EDEM1: variants seen among roughly 807,000 people sequenced by gnomAD.
EDEM1 encodes the protein ER degradation-enhancing alpha-mannosidase-like protein 1.
A neutral mutation model predicts 74.4 loss-of-function variants in EDEM1; 67 were observed. The ratio of observed to expected loss-of-function variants is 0.90; its 90% CI spans 0.74 to 1.10. EDEM1 has a LOEUF of 1.10. EDEM1 is among the 50% of genes least tolerant of loss of function. The pLI, the probability that EDEM1 is intolerant of heterozygous loss-of-function variation, is 0.00. For missense variants in EDEM1, 926 were observed against 851.6 expected (o/e 1.09, Z -1.09); for synonymous variants, 382 against 335.9 (o/e 1.14, Z -1.50).
intron 2 of EDEM1, among the ~76,000 whole-genome samples, chr3:5,197,778 T>TA (rs2054987260): frequency 6.6e-6 from 1 of 152,236 alleles, no homozygotes; most frequent in African/African-American, 2.4e-5. Context: ...CTTGCAGCAT[T>TA]ATTGCATCAT....
In EDEM1 at chr3:5,201,358, T is replaced by C. The variant is rs187089894; in HGVS notation, c.687-395T>C. ...TTAATAGAGACAGGGTCTTGCCTTG[T>C]TGCCCAGGCTAGTCTTGAACTCCTG... On this transcript the variant is annotated intron_variant, in intron 3 of 11. Coordinates refer to ENST00000256497, the MANE Select transcript of EDEM1 (RefSeq NM_014674.3). Among the ~76,000 whole-genome samples, 5 of 152,178 alleles carry C rather than the reference T, an allele frequency of 3.3e-5. No homozygotes were observed. In the East Asian group the frequency reaches 9.7e-4, roughly 29 times the overall value.
chr3:5,217,954 C>T lies in EDEM1; in HGVS notation c.*2036C>T, dbSNP rs1295707452. 1 of 152,228 alleles carries T rather than the reference C, an allele frequency of 6.6e-6. No homozygotes were observed. Among genetic ancestry groups the T allele is most frequent in the Non-Finnish European group, 1.5e-5 (1 of 68,048 alleles). 9.4% of individuals were successfully genotyped at this position (152,228 alleles called of 1,614,324 possible). A position where few individuals can be genotyped will look rare whatever the true frequency, so the allele number is the denominator to read the frequency against. Reference sequence around the variant, plus strand: ...TTTCTCTTGGCGCTCCCCTCCTCTCCCGCTCTGGCTTCTGTGGCGGCAGTG... The same window carrying T: ...TTTCTCTTGGCGCTCCCCTCCTCTCTCGCTCTGGCTTCTGTGGCGGCAGTG... On this transcript the variant is annotated 3_prime_UTR_variant, in exon 12 of 12. Coordinates refer to ENST00000256497, the MANE Select transcript of EDEM1 (RefSeq NM_014674.3).
At chr3:5,204,339 T>G (rs149602084) in intron 5 of EDEM1, among the ~76,000 whole-genome samples, 36 of 152,216 alleles carry the variant, frequency 2.4e-4, no homozygotes, top group African/African-American at 8.4e-4. Context: ...TTGTTGTTGT[T>G]TTTATTATTA....
At position 5,202,813 on chromosome 3, in the gene EDEM1, C is replaced by T. The variant is rs375513324; in HGVS notation, c.859-153C>T. ...GTTTGTGTCTTTTAAATTTAATTCC[C>T]GTATTCACCTCAGATGTATCTTGGA... is the stretch of plus-strand genomic sequence containing the variant. On this transcript the variant is annotated intron_variant, in intron 4 of 11. Transcript: ENST00000256497. Among the ~76,000 whole-genome samples the T allele has an allele frequency of 5.9e-5, 9 of 152,228 alleles. No homozygotes were observed. The South Asian group carries it at 6.2e-4, about 11-fold the overall frequency.
chr3:5,211,295 G>C (rs75584351), intron 10 of EDEM1, 79 bp downstream of exon 10: 7 of 1,349,602 alleles, frequency 5.2e-6, no homozygotes, highest in Admixed American at 3.7e-5. Context: ...CATCTGACAG[G>C]TACTTACTGG....
rs747552775 is a variant in EDEM1 at position 5,208,147 on chromosome 3, A to T, written c.1393A>T (p.Ile465Leu). ...AICLHAFYYA[I>L]WKRYGALPER... ...CTGCCTTCATGCCTTCTACTATGCC[A>T]TATGGAAACGATATGGTGCCCTCCC... The change falls in exon 8 of 12, where the codon ATA (isoleucine) becomes TTA (leucine). Residue 465 changes from isoleucine to leucine, a missense_variant. Physicochemically the swap from Ile to Leu is conservative, Grantham distance 5 (BLOSUM62 2). Coordinates refer to ENST00000256497, the MANE Select transcript of EDEM1 (RefSeq NM_014674.3). The T allele has an allele frequency of 5.6e-6, 9 of 1,612,814 alleles. No individual in the cohort carries two copies. The highest frequency in any genetic ancestry group is 5.5e-5 in the South Asian group (5 of 90,938).
chr3:5,207,306 A>T (rs200405237), intron 7 of EDEM1, 33 bp downstream of exon 7: 2 of 1,611,390 alleles, frequency 1.2e-6, no homozygotes, highest in Middle Eastern at 1.7e-4. Flanking sequence ...AAGAATAACC[A>T]ATCACCAGAA....
intron 7 of EDEM1, 87 bp downstream of exon 7, chr3:5,207,360 TTC>T: frequency 6.4e-7 from 1 of 1,554,630 alleles, no homozygotes; most frequent in Non-Finnish European, 8.7e-7. Context: ...ACCCTGAGCA[TTC>T]TCTGTCTCCT....
In EDEM1 at chr3:5,202,825, A is replaced by C. The variant is rs535160638; in HGVS notation, c.859-141A>C. The C allele has an allele frequency of 4.4e-5, 28 of 637,036 alleles. No individual in the cohort carries two copies. The Admixed American group carries it at 8.3e-4, about 19-fold the overall frequency. The allele number at this position is 637,036 out of a possible 1,614,324, so 39.5% of individuals were successfully genotyped here. ...TAAATTTAATTCCCGTATTCACCTC[A>C]GATGTATCTTGGAAGGCAGAGGGCA... is the stretch of plus-strand genomic sequence containing the variant. On this transcript the variant is annotated intron_variant, in intron 4 of 11. Coordinates refer to ENST00000256497, the MANE Select transcript of EDEM1 (RefSeq NM_014674.3).
intron 10 of EDEM1, chr3:5,211,542 G>C: frequency 3.2e-6 from 1 of 311,746 alleles, no homozygotes; most frequent in South Asian, 3.1e-5. Context: ...GAGGAAGAGA[G>C]CTGTGTTCAT....
At chr3:5,189,891 T>G (rs1439536457) in intron 1 of EDEM1, among the ~76,000 whole-genome samples, 2 of 152,174 alleles carry the variant, frequency 1.3e-5, no homozygotes, top group Non-Finnish European at 2.9e-5. Context: ...GAGCCACCGC[T>G]CCCGGCCATG....
In EDEM1 at chr3:5,202,962, C is replaced by A; in HGVS notation, c.859-4C>A. ...TCACAGTCTTTGTCTGTTCCCATCC[C>A]CAGGTGAATCTAAAGACAGGAGTTC... On this transcript the variant is annotated splice_region_variant and splice_polypyrimidine_tract_variant and intron_variant, in intron 4 of 11. Transcript: ENST00000256497. The A allele has an allele frequency of 6.2e-7, 1 of 1,612,960 alleles. No individual in the cohort carries two copies. The highest frequency in any genetic ancestry group is 1.3e-5 in the African/African-American group (1 of 74,900).
At chr3:5,188,388 C>T in intron 1 of EDEM1, 74 bp downstream of exon 1, 1 of 1,326,250 alleles carries the variant, frequency 7.5e-7, no homozygotes, top group Non-Finnish European at 9.7e-7. Flanking sequence ...GTGCAGCCCT[C>T]TGTCCTCCGG....
chr3:5,202,024 A>C (rs916360829), intron 4 of EDEM1, 100 bp downstream of exon 4: 14 of 1,393,994 alleles, frequency 1.0e-5, no homozygotes, highest in Non-Finnish European at 1.3e-5. Context: ...AATGGGATGG[A>C]GGTAGATGAG....
Position 5,205,115 on chromosome 3 carries a change from G to A in EDEM1, c.1091G>A (p.Gly364Asp). Residue 364 changes from glycine to aspartate, a missense_variant, in exon 6 of 12, where the codon GGC becomes GAC. Physicochemically the swap from Gly to Asp is moderately conservative, Grantham distance 94 (BLOSUM62 -1). Coordinates refer to ENST00000256497, the MANE Select transcript of EDEM1 (RefSeq NM_014674.3). ...QTGHWVGKQS[G>D]LGAGLDSFYE... The stretch of plus-strand genomic sequence containing the variant: ...GGCCACTGGGTTGGAAAGCAGAGTG[G>A]CCTGGGTGCCGGGCTGGACTCCTTC... The A allele has an allele frequency of 6.2e-7, 1 of 1,614,182 alleles. No homozygotes were observed. The highest frequency in any genetic ancestry group is 1.1e-5 in the South Asian group (1 of 91,082).
At chr3:5,213,623 G>A (rs1425676248) in intron 11 of EDEM1, 101 bp downstream of exon 11, 3 of 1,183,296 alleles carry the variant, frequency 2.5e-6, no homozygotes, top group African/African-American at 1.5e-5. Flanking sequence ...GATGGTGTAT[G>A]CAGATTGGGA....
At chr3:5,208,743 T>TG (rs2055130089) in intron 8 of EDEM1, among the ~76,000 whole-genome samples, 1 of 149,336 alleles carries the variant, frequency 6.7e-6, no homozygotes, top group African/African-American at 2.5e-5. Context: ...ATGTTTGTGT[T>TG]TGTGTGTGTG....
intron 10 of EDEM1, among the ~76,000 whole-genome samples, chr3:5,213,076 T>C (rs1271555205): frequency 6.6e-6 from 1 of 152,204 alleles, no homozygotes; most frequent in African/African-American, 2.4e-5. Context: ...TCTCTGCGTC[T>C]GGGCAGGGTA....
intron 10 of EDEM1, chr3:5,211,470 G>A (rs1575591827): frequency 7.1e-6 from 3 of 421,268 alleles, no homozygotes; most frequent in Non-Finnish European, 1.3e-5. Flanking sequence ...TCCTGGTAAC[G>A]ATTGATACAG....
Sources: gnomAD v4.1 joint callset for allele counts (sites outside exome capture counted in the v4.1 genomes callset) on GRCh38, gnomAD v4.1.1 for gene constraint, MANE v1.5 for transcripts, NCBI Gene and HGNC (gene_info 2026-07-23, HGNC 2026-07-21) for gene names.